The following USP34 variants were observed in gnomAD, a reference collection of about 807,000 sequenced individuals.
The protein encoded by USP34 is ubiquitin carboxyl-terminal hydrolase 34.
In USP34, 70 loss-of-function variants were observed where a neutral mutation model predicts 460.3. The observed-to-expected ratio is 0.15, with a 90% confidence interval of 0.13 to 0.19. USP34 has a LOEUF of 0.19. Among genes scored for constraint, USP34 ranks in the 10% least tolerant of loss-of-function variants. USP34 has a pLI of 1.00. For missense variants in USP34, 3,985 were observed against 4,236.2 expected (o/e 0.94, Z 1.65); for synonymous variants, 1,647 against 1,405.3 (o/e 1.17, Z -3.85).
rs1297138255 is a variant in USP34 at position 61,214,699 on chromosome 2, A to G, written c.8048-5T>C. 3.1e-6 allele frequency: 5 copies of G among 1,612,924 alleles called. No individual in the cohort carries two copies. In the African/African-American group the frequency reaches 4.0e-5, roughly 13 times the overall value. On this transcript the variant is annotated splice_polypyrimidine_tract_variant and splice_region_variant and intron_variant, in intron 67 of 79. Transcript: ENST00000398571. Reference sequence around the variant, plus strand: ...ACACCAGAAGATAAGCTGCAGCTATAAAATGTAAAACAAAACTGTCAGATC... The same window carrying G: ...ACACCAGAAGATAAGCTGCAGCTATGAAATGTAAAACAAAACTGTCAGATC...
intron 1 of USP34, among the ~76,000 whole-genome samples, chr2:61,437,761 A>G (rs1694854032): frequency 6.7e-6 from 1 of 149,386 alleles, no homozygotes; most frequent in Non-Finnish European, 1.5e-5. Context: ...CAACAGAGCG[A>G]GACTCCGTCT....
intron 1 of USP34, among the ~76,000 whole-genome samples, chr2:61,427,671 G>C (rs1694550722): frequency 6.6e-6 from 1 of 152,162 alleles, no homozygotes; most frequent in Non-Finnish European, 1.5e-5. Flanking sequence ...AGAAATTCTG[G>C]AGCTGAAAAA....
intron 10 of USP34, among the ~76,000 whole-genome samples, chr2:61,356,352 G>A (rs1692103490): frequency 6.6e-6 from 1 of 152,044 alleles, no homozygotes; most frequent in Non-Finnish European, 1.5e-5. Flanking sequence ...AGTCAGGCAC[G>A]GTGGGCATGT....
intron 44 of USP34, 35 bp from the exon 45 acceptor site, chr2:61,257,385 A>T: frequency 6.6e-7 from 1 of 1,519,072 alleles, no homozygotes; most frequent in Non-Finnish European, 8.8e-7. Context: ...TAAGTGTCAG[A>T]TAAAAATAAG....
chr2:61,334,193 A>G (rs1414046989), intron 18 of USP34, among the ~76,000 whole-genome samples: 1 of 152,190 alleles, frequency 6.6e-6, no homozygotes, highest in East Asian at 1.9e-4. Flanking sequence ...AAGGTAAAAC[A>G]CACTATAAAT....
intron 10 of USP34, among the ~76,000 whole-genome samples, chr2:61,356,235 C>T (rs987389428): frequency 9.2e-5 from 14 of 151,698 alleles, no homozygotes; most frequent in Middle Eastern, 3.4e-3. Flanking sequence ...TGCCTGTAAT[C>T]CCAGCACTTT....
intron 30 of USP34, among the ~76,000 whole-genome samples, chr2:61,295,927 G>A (rs1690012968): frequency 2.0e-5 from 3 of 152,144 alleles, no homozygotes; most frequent in Admixed American, 2.0e-4. Context: ...TTCTTTCGGA[G>A]ATGTCCTCAA....
intron 8 of USP34, among the ~76,000 whole-genome samples, chr2:61,377,194 G>C (rs1335834276): frequency 6.6e-6 from 1 of 152,138 alleles, no homozygotes; most frequent in Non-Finnish European, 1.5e-5. Flanking sequence ...AAAGAGTCAA[G>C]AGACAGTCTC....
intron 48 of USP34, among the ~76,000 whole-genome samples, chr2:61,251,320 G>A (rs1349490721): frequency 6.6e-6 from 1 of 152,078 alleles, no homozygotes; most frequent in Non-Finnish European, 1.5e-5. Context: ...TCAAAAGAAT[G>A]AATAACACTG....
At chr2:61,326,220 G>A (rs1256614113) in intron 20 of USP34, among the ~76,000 whole-genome samples, 2 of 152,006 alleles carry the variant, frequency 1.3e-5, no homozygotes, top group Non-Finnish European at 2.9e-5. Flanking sequence ...ATTTGGGGCT[G>A]GAAGGGGGGC....
At chr2:61,384,269 C>T (rs960695484) in intron 5 of USP34, among the ~76,000 whole-genome samples, 6 of 152,122 alleles carry the variant, frequency 3.9e-5, no homozygotes, top group Non-Finnish European at 5.9e-5. Flanking sequence ...AATGTGAATA[C>T]ATTATATAAC....
chr2:61,450,807 A>G (rs1229776296), intron 1 of USP34, among the ~76,000 whole-genome samples: 2 of 151,528 alleles, frequency 1.3e-5, no homozygotes, highest in Non-Finnish European at 2.9e-5. Flanking sequence ...CGGGAAAGAC[A>G]CCGTAAGATG....
At chr2:61,419,947 G>T (rs561746269) in intron 2 of USP34, among the ~76,000 whole-genome samples, 1 of 152,248 alleles carries the variant, frequency 6.6e-6, no homozygotes, top group East Asian at 1.9e-4. Flanking sequence ...AAAGTCTTTT[G>T]CAACAAGTAT....
chr2:61,249,421 GCTA>G (rs1187995553), intron 48 of USP34, among the ~76,000 whole-genome samples: 1 of 152,212 alleles, frequency 6.6e-6, no homozygotes, highest in East Asian at 1.9e-4. Context: ...ATTTTATCAT[GCTA>G]CTCAGTCCAG....
intron 1 of USP34, among the ~76,000 whole-genome samples, chr2:61,466,965 T>G (rs1041773805): frequency 2.0e-5 from 3 of 151,856 alleles, no homozygotes; most frequent in Non-Finnish European, 2.9e-5. Flanking sequence ...GTGTGATCAC[T>G]GTTTGTTAAT....
intron 51 of USP34, 66 bp from the exon 52 acceptor site, chr2:61,241,885 A>G (rs1282847811): frequency 3.6e-6 from 3 of 832,776 alleles, no homozygotes; most frequent in African/African-American, 3.6e-5. Context: ...ATTTATATAT[A>G]AATTATTTCA....
chr2:61,327,400 C>T (rs1691128851), intron 20 of USP34, among the ~76,000 whole-genome samples: 1 of 152,124 alleles, frequency 6.6e-6, no homozygotes, highest in African/African-American at 2.4e-5. Flanking sequence ...AGATAAAATT[C>T]AAGAACAGCT....
chr2:61,242,885 C>G (rs1018578033), intron 51 of USP34, among the ~76,000 whole-genome samples: 4 of 151,928 alleles, frequency 2.6e-5, no homozygotes, highest in South Asian at 2.1e-4. Context: ...TTTTGCTCAT[C>G]TCCCAGGCTG....
At chr2:61,332,345 T>C (rs1352378937) in intron 19 of USP34, among the ~76,000 whole-genome samples, 2 of 152,072 alleles carry the variant, frequency 1.3e-5, no homozygotes, top group Non-Finnish European at 2.9e-5. Flanking sequence ...CAGGAGTTCT[T>C]TTAAGTGATG....
Sources: allele counts gnomAD v4.1 joint callset (sites outside exome capture counted in the v4.1 genomes callset), GRCh38; gene constraint gnomAD v4.1.1; transcripts MANE v1.5; gene names NCBI Gene and HGNC (gene_info 2026-07-23, HGNC 2026-07-21).